NTRK3: variants seen among roughly 807,000 people sequenced by gnomAD.
The protein encoded by NTRK3 is NT-3 growth factor receptor.
NTRK3 carries 24 observed loss-of-function variants against 91.7 expected under a neutral mutation model. The ratio of observed to expected loss-of-function variants is 0.26; its 90% CI spans 0.19 to 0.37. The LOEUF is 0.37. NTRK3 is among the 10% of genes least tolerant of loss of function. The pLI is 1.00. For synonymous variants in NTRK3, 483 were observed against 404.0 expected (o/e 1.20, Z -2.34); for missense variants, 880 against 1,068.9 (o/e 0.82, Z 2.46).
chr15:88,111,659 C>T (rs1239728639), intron 13 of NTRK3, among the ~76,000 whole-genome samples: 1 of 152,142 alleles, frequency 6.6e-6, no homozygotes, highest in Non-Finnish European at 1.5e-5. Context: ...ATGATAGTGA[C>T]TAAGAGCATG....
At position 88,231,577 on chromosome 15, in the gene NTRK3, A is replaced by G. The variant is rs570259793; in HGVS notation, c.248+24329T>C. On this transcript the variant is annotated intron_variant, in intron 3 of 18. Coordinates refer to ENST00000394480, the Ensembl canonical transcript of NTRK3. The stretch of plus-strand genomic sequence containing the variant: ...AGGAAAAATGAGAAGAGAAATAACC[A>G]GGTTTCAAAGGCTGGTGTTTCTGCC... Among the ~76,000 whole-genome samples the G allele has an allele frequency of 3.3e-5, 5 of 152,310 alleles. No individual in the cohort carries two copies. In the East Asian group the frequency reaches 9.7e-4, roughly 29 times the overall value.
intron 13 of NTRK3, among the ~76,000 whole-genome samples, chr15:88,039,873 T>C (rs1037286399): frequency 1.3e-5 from 2 of 152,182 alleles, no homozygotes; most frequent in African/African-American, 2.4e-5. Flanking sequence ...TTTGTCATGA[T>C]TGGCTAGCAA....
Position 87,934,129 on chromosome 15 carries a change from G to A in NTRK3, c.1717-945C>T, listed in dbSNP as rs574526217. Among the ~76,000 whole-genome samples, 5 of 152,284 alleles carry A rather than the reference G, an allele frequency of 3.3e-5. No homozygotes were observed. The South Asian group carries it at 6.2e-4, about 19-fold the overall frequency. The stretch of plus-strand genomic sequence containing the variant: ...GGACCTTGGTTAGGGCACTGCCATG[G>A]GCCCAGCAATGCTGGCCAGATGGAA... On this transcript the variant is annotated intron_variant, in intron 15 of 18. Coordinates refer to ENST00000394480, the Ensembl canonical transcript of NTRK3.
chr15:88,161,058 G>C (rs958264861), intron 5 of NTRK3, among the ~76,000 whole-genome samples: 7 of 152,194 alleles, frequency 4.6e-5, no homozygotes, highest in African/African-American at 1.7e-4. Flanking sequence ...TTAGCACATA[G>C]CAGGTACTCA....
At chr15:87,966,943 G>T (rs978289862) in intron 14 of NTRK3, among the ~76,000 whole-genome samples, 1 of 152,160 alleles carries the variant, frequency 6.6e-6, no homozygotes, top group Non-Finnish European at 1.5e-5. Flanking sequence ...GTGGGGAGCT[G>T]TCAGAAGCAC....
chr15:88,111,330 T>G (rs1237024094), intron 13 of NTRK3, among the ~76,000 whole-genome samples: 1 of 152,058 alleles, frequency 6.6e-6, no homozygotes, highest in Non-Finnish European at 1.5e-5. Context: ...CTTGCATCCT[T>G]GGAGAGAGAG....
chr15:87,931,678 C>T (rs1052068823), intron 16 of NTRK3, among the ~76,000 whole-genome samples: 5 of 152,204 alleles, frequency 3.3e-5, no homozygotes, highest in African/African-American at 9.6e-5. Flanking sequence ...AGGCTTAGAA[C>T]ATCCCACAGA....
chr15:88,146,412 C>G (rs2042893007), intron 6 of NTRK3, among the ~76,000 whole-genome samples: 1 of 152,178 alleles, frequency 6.6e-6, no homozygotes, highest in Admixed American at 6.5e-5. Context: ...TTTGGATCTG[C>G]GTCACCAAGT....
chr15:88,242,348 T>C (rs2052438484), intron 3 of NTRK3, among the ~76,000 whole-genome samples: 2 of 152,196 alleles, frequency 1.3e-5, no homozygotes, highest in Admixed American at 6.5e-5. Context: ...TCTACTGTTA[T>C]CACATTCAGT....
chr15:88,067,784 TA>T (rs979095234), intron 13 of NTRK3, among the ~76,000 whole-genome samples: 2 of 152,202 alleles, frequency 1.3e-5, no homozygotes, highest in Non-Finnish European at 2.9e-5. Flanking sequence ...CAATTTTCTA[TA>T]AAATGAGAAT....
chr15:88,012,743 C>CG (rs138106658), intron 14 of NTRK3, among the ~76,000 whole-genome samples: 116 of 152,168 alleles, frequency 7.6e-4, no homozygotes, highest in African/African-American at 2.5e-3. Context: ...TATTTTTGAT[C>CG]GGGGGAAAAA....
At chr15:88,228,984 C>A (rs1386753053) in intron 3 of NTRK3, among the ~76,000 whole-genome samples, 1 of 152,124 alleles carries the variant, frequency 6.6e-6, no homozygotes, top group South Asian at 2.1e-4. Context: ...TCACTCCTTA[C>A]CCCTCCCTGA....
chr15:87,887,911 G>A (rs1452033052), intron 17 of NTRK3, among the ~76,000 whole-genome samples: 1 of 152,136 alleles, frequency 6.6e-6, no homozygotes, highest in Non-Finnish European at 1.5e-5. Context: ...CCTTGCCCAA[G>A]CACTGCATAA....
At chr15:87,885,888 C>A (rs533690562) in intron 17 of NTRK3, among the ~76,000 whole-genome samples, 153 bp from the exon 18 acceptor site, 2 of 151,988 alleles carry the variant, frequency 1.3e-5, no homozygotes, top group East Asian at 1.9e-4. Flanking sequence ...AAATTAAATT[C>A]TTTTGCATGG....
intron 14 of NTRK3, among the ~76,000 whole-genome samples, chr15:87,959,894 G>A (rs905087499): frequency 3.9e-5 from 6 of 152,232 alleles, no homozygotes; most frequent in African/African-American, 1.4e-4. Context: ...CATGGAGCCA[G>A]CATATCTTGG....
chr15:87,897,678 C>A (rs564570580), intron 17 of NTRK3, among the ~76,000 whole-genome samples: 12 of 152,270 alleles, frequency 7.9e-5, no homozygotes, highest in African/African-American at 2.9e-4. Context: ...TTTGAAAAAT[C>A]TGACCCTGCA....
At chr15:88,194,105 A>T (rs1372240685) in intron 3 of NTRK3, among the ~76,000 whole-genome samples, 1 of 151,970 alleles carries the variant, frequency 6.6e-6, no homozygotes, top group Non-Finnish European at 1.5e-5. Context: ...CCTGTTAACC[A>T]CTCTTTCTTC....
chr15:87,884,457 T>C (rs1048437668), intron 17 of NTRK3, among the ~76,000 whole-genome samples: 2 of 151,684 alleles, frequency 1.3e-5, no homozygotes, highest in Non-Finnish European at 3.0e-5. Context: ...TCCCAAACCA[T>C]TCTATGTGGT....
chr15:88,129,093 C>T (rs375294860), intron 10 of NTRK3, among the ~76,000 whole-genome samples: 6 of 152,104 alleles, frequency 3.9e-5, no homozygotes, highest in South Asian at 2.1e-4. Flanking sequence ...GGGAATGGGG[C>T]GACAGGGTGG....
Sources: allele counts gnomAD v4.1 joint callset (sites outside exome capture counted in the v4.1 genomes callset), GRCh38; gene constraint gnomAD v4.1.1; transcripts MANE v1.5; gene names NCBI Gene and HGNC (gene_info 2026-07-23, HGNC 2026-07-21).